MYO16: variants seen among roughly 807,000 people sequenced by gnomAD.
MYO16 encodes unconventional myosin-XVI.
MYO16 carries 94 observed loss-of-function variants against 205.3 expected under a neutral mutation model. That is an observed-to-expected ratio of 0.46 (90% confidence interval 0.39 to 0.54). The LOEUF (loss-of-function observed/expected upper bound fraction) is 0.54. Ranked by LOEUF, MYO16 falls within the 20% of genes least tolerant of loss-of-function variation. The pLI, the probability that MYO16 is intolerant of heterozygous loss-of-function variation, is 0.00. For missense variants in MYO16, 2,315 were observed against 2,387.5 expected (o/e 0.97, Z 0.63); for synonymous variants, 988 against 954.0 (o/e 1.04, Z -0.66).
intron 28 of MYO16, among the ~76,000 whole-genome samples, chr13:109,109,136 T>C (rs552437520): frequency 6.6e-6 from 1 of 152,286 alleles, no homozygotes; most frequent in South Asian, 2.1e-4. Context: ...AGAGGGGTGT[T>C]TGTGTCTGTT....
At chr13:109,091,547 C>T (rs1393598904) in intron 27 of MYO16, among the ~76,000 whole-genome samples, 6 of 152,184 alleles carry the variant, frequency 3.9e-5, no homozygotes, top group Non-Finnish European at 5.9e-5. Flanking sequence ...CCACAGTCAC[C>T]AAATCCCACA....
intron 1 of MYO16, among the ~76,000 whole-genome samples, chr13:108,624,582 T>C (rs535569591): frequency 1.2e-4 from 18 of 152,220 alleles, no homozygotes; most frequent in Non-Finnish European, 2.6e-4. Context: ...GTAACGCATA[T>C]GCTGGAAAGA....
chr13:108,926,678 T>C (rs151253533), intron 16 of MYO16, among the ~76,000 whole-genome samples: 6 of 152,030 alleles, frequency 3.9e-5, no homozygotes, highest in Admixed American at 6.6e-5. Context: ...GGAGTGATGT[T>C]TTCTCAAGCA....
intron 27 of MYO16, among the ~76,000 whole-genome samples, chr13:109,091,934 A>G (rs1237328001): frequency 6.6e-6 from 1 of 152,216 alleles, no homozygotes; most frequent in Non-Finnish European, 1.5e-5. Flanking sequence ...TTTCTGAGGT[A>G]TAATTTTGGT....
intron 34 of MYO16, among the ~76,000 whole-genome samples, chr13:109,184,353 C>A (rs904336505): frequency 2.0e-5 from 3 of 152,018 alleles, no homozygotes; most frequent in African/African-American, 7.3e-5. Context: ...TGTGAAATGG[C>A]AGCATTTTCA....
chr13:108,783,970 G>A (rs1046364763), intron 4 of MYO16, among the ~76,000 whole-genome samples: 8 of 152,162 alleles, frequency 5.3e-5, no homozygotes, highest in Admixed American at 2.6e-4. Flanking sequence ...GCAACCATAT[G>A]TTCTACAGAC....
chr13:108,717,486 C>T (rs556153257), intron 3 of MYO16, among the ~76,000 whole-genome samples: 116 of 151,846 alleles, frequency 7.6e-4, no homozygotes, highest in Admixed American at 2.0e-3. Context: ...AAAAATTAGC[C>T]GGGCGTGGTG....
chr13:108,614,199 G>A (rs1879269379), intron 1 of MYO16, among the ~76,000 whole-genome samples: 1 of 151,948 alleles, frequency 6.6e-6, no homozygotes, highest in Non-Finnish European at 1.5e-5. Flanking sequence ...ACTTAAAAAT[G>A]AACTTACAAA....
chr13:108,736,358 G>A (rs1438957927), intron 4 of MYO16, among the ~76,000 whole-genome samples: 6 of 152,016 alleles, frequency 3.9e-5, no homozygotes, highest in South Asian at 4.1e-4. Flanking sequence ...AGCTTTCTAT[G>A]TATGGCTAGC....
rs151007439 is a variant in MYO16 at position 109,127,456 on chromosome 13, G to A, written c.3957G>A (p.Pro1319=). 70 of 1,613,836 alleles carry A rather than the reference G, an allele frequency of 4.3e-5. No homozygotes were observed. Among genetic ancestry groups the A allele is most frequent in the Admixed American group, 1.0e-4 (6 of 60,000 alleles). ...TCCCGTCTCCACGGAAACAGCCCCC[G>A]CCCAAGCCAAAGAGGGACCCCAACA... The part of the protein sequence containing the change: ...SSLPSPRKQP[P]PKPKRDPNTR... Residue 1319 remains proline (P), a synonymous_variant, in exon 31 of 35, where the codon CCG becomes CCA. Transcript: ENST00000457511. The surrounding 1 kb of genome is among the most constrained non-coding windows in gnomAD (Gnocchi z 4.2).
intron 7 of MYO16, among the ~76,000 whole-genome samples, chr13:108,817,544 A>G (rs1321693902): frequency 1.3e-5 from 2 of 152,140 alleles, no homozygotes; most frequent in African/African-American, 4.8e-5. Flanking sequence ...ACTGTTGGTG[A>G]TGAGAAATGT....
intron 4 of MYO16, among the ~76,000 whole-genome samples, chr13:108,755,553 CAA>C (rs200190650): frequency 1.1e-4 from 15 of 136,752 alleles, no homozygotes; most frequent in African/African-American, 2.9e-4. Flanking sequence ...CTTCAAATTG[CAA>C]AAAAAAAAAA....
the MYO16 span, among the ~76,000 whole-genome samples, chr13:108,524,952 T>G: frequency 2.0e-5 from 3 of 152,240 alleles, no homozygotes; most frequent in Admixed American, 6.5e-5. Flanking sequence ...TTGTTTCTGA[T>G]TTCAAGTTAA....
chr13:109,076,648 C>T (rs940879485), intron 27 of MYO16, among the ~76,000 whole-genome samples: 7 of 152,238 alleles, frequency 4.6e-5, no homozygotes, highest in African/African-American at 9.6e-5. Flanking sequence ...CCTAACACTC[C>T]GCAAGAGTAG....
intron 2 of MYO16, among the ~76,000 whole-genome samples, chr13:108,679,572 G>T (rs868842872): frequency 5.3e-5 from 8 of 151,830 alleles, no homozygotes; most frequent in Middle Eastern, 6.3e-3. Context: ...TCATGACCTG[G>T]TTGTGGCCAT....
chr13:109,008,841 T>G, intron 21 of MYO16, 56 bp from the exon 22 acceptor site: 1 of 1,425,672 alleles, frequency 7.0e-7, no homozygotes, highest in Non-Finnish European at 9.7e-7. Flanking sequence ...CTATCTATCT[T>G]GTGTATGCAC....
the MYO16 span, among the ~76,000 whole-genome samples, chr13:108,554,654 C>T: frequency 2.0e-5 from 3 of 151,976 alleles, no homozygotes; most frequent in Non-Finnish European, 2.9e-5. Context: ...TCAAGACCAT[C>T]CTGGCTAACA....
intron 9 of MYO16, among the ~76,000 whole-genome samples, chr13:108,839,727 C>T (rs1291336918): frequency 2.6e-5 from 4 of 152,194 alleles, no homozygotes; most frequent in Admixed American, 1.3e-4. Flanking sequence ...GTTCTTCCTA[C>T]TTCCTCCTCC....
At chr13:108,961,439 G>T (rs1373857375) in intron 17 of MYO16, 100 bp from the exon 18 acceptor site, 7 of 911,810 alleles carry the variant, frequency 7.7e-6, no homozygotes, top group African/African-American at 6.6e-5. Flanking sequence ...CATTAATAGG[G>T]TCATCATTTT....
Sources: allele counts gnomAD v4.1 joint callset (sites outside exome capture counted in the v4.1 genomes callset), GRCh38; gene constraint gnomAD v4.1.1; non-coding constraint Gnocchi (gnomAD v3.1); transcripts MANE v1.5; gene names NCBI Gene and HGNC (gene_info 2026-07-23, HGNC 2026-07-21).